The following ATP8A1 variants were observed in gnomAD, a reference collection of about 807,000 sequenced individuals.
The protein encoded by ATP8A1 is ATPase phospholipid transporting 8A1.
Under a neutral mutation model 177.7 loss-of-function variants are expected in ATP8A1, and 90 were observed. The ratio of observed to expected loss-of-function variants is 0.51; its 90% CI spans 0.43 to 0.60. The LOEUF (loss-of-function observed/expected upper bound fraction) is 0.60, where lower values mean the gene tolerates loss of function less well. Among genes scored for constraint, ATP8A1 ranks in the 20% least tolerant of loss-of-function variants. The pLI, the probability that ATP8A1 is intolerant of heterozygous loss-of-function variation, is 0.00. For missense variants in ATP8A1, 1,072 were observed against 1,392.8 expected (o/e 0.77, Z 3.67); for synonymous variants, 493 against 485.9 (o/e 1.01, Z -0.19).
intron 23 of ATP8A1, among the ~76,000 whole-genome samples, chr4:42,505,014 G>A (rs951368691): frequency 6.6e-6 from 1 of 152,190 alleles, no homozygotes; most frequent in Non-Finnish European, 1.5e-5. Context: ...CTTCCTGACT[G>A]TGCTATTTAA....
intron 14 of ATP8A1, 90 bp downstream of exon 14, chr4:42,574,529 A>G: frequency 9.8e-7 from 1 of 1,018,964 alleles, no homozygotes; most frequent in Admixed American, 2.5e-5. Context: ...ACAACCCCAT[A>G]CCCTCCCCTA....
chr4:42,570,369 A>G (rs1731778857), intron 14 of ATP8A1, among the ~76,000 whole-genome samples: 1 of 152,228 alleles, frequency 6.6e-6, no homozygotes, highest in Non-Finnish European at 1.5e-5. Context: ...AGCTCTGTGG[A>G]AACTGGCTGC....
At chr4:42,472,099 AGAG>A (rs1172470976) in intron 25 of ATP8A1, 11 of 704,356 alleles carry the variant, frequency 1.6e-5, no homozygotes, top group African/African-American at 8.7e-5. Context: ...TTTATTGCTC[AGAG>A]GAGAATTCTG....
intron 33 of ATP8A1, among the ~76,000 whole-genome samples, chr4:42,428,466 T>C (rs1714881783): frequency 6.6e-6 from 1 of 152,228 alleles, no homozygotes; most frequent in Non-Finnish European, 1.5e-5. Flanking sequence ...GTGTCCAATA[T>C]TTCACCAGGT....
At chr4:42,536,422 T>A (rs768847285) in intron 20 of ATP8A1, among the ~76,000 whole-genome samples, 3 of 152,032 alleles carry the variant, frequency 2.0e-5, no homozygotes, top group Non-Finnish European at 4.4e-5. Flanking sequence ...ATACAGAATC[T>A]CTGAACAGAT....
At chr4:42,450,813 C>T (rs1429252696) in intron 30 of ATP8A1, among the ~76,000 whole-genome samples, 1 of 152,160 alleles carries the variant, frequency 6.6e-6, no homozygotes, top group East Asian at 1.9e-4. Context: ...TAATTACCTG[C>T]CCATCTGAAG....
intron 5 of ATP8A1, 45 bp from the exon 6 acceptor site, chr4:42,600,563 G>GAAAAGGCC: frequency 6.4e-7 from 1 of 1,560,408 alleles, no homozygotes; most frequent in Non-Finnish European, 8.7e-7. Context: ...GTTTTACTAT[G>GAAAAGGCC]AAAAGGCCAT....
At chr4:42,586,569 C>G in intron 8 of ATP8A1, 93 bp from the exon 9 acceptor site, 1 of 1,191,538 alleles carries the variant, frequency 8.4e-7, no homozygotes, top group Non-Finnish European at 1.2e-6. Context: ...GTCTTAAGAT[C>G]TAAAAGATCC....
intron 25 of ATP8A1, among the ~76,000 whole-genome samples, chr4:42,472,637 G>A (rs984272160): frequency 2.0e-5 from 3 of 151,792 alleles, no homozygotes; most frequent in Non-Finnish European, 4.4e-5. Context: ...CCAGCTACTC[G>A]GGATGCTAAG....
chr4:42,636,418 AGAG>A (rs1739404034), intron 1 of ATP8A1, among the ~76,000 whole-genome samples: 2 of 151,838 alleles, frequency 1.3e-5, no homozygotes, highest in Non-Finnish European at 2.9e-5. Flanking sequence ...AGAGAGAGAG[AGAG>A]AGCTCATGAA....
intron 5 of ATP8A1, among the ~76,000 whole-genome samples, chr4:42,602,595 C>T (rs1279287511): frequency 1.3e-5 from 2 of 152,016 alleles, no homozygotes; most frequent in African/African-American, 2.4e-5. Context: ...GAAACCCTGT[C>T]TCTACTAAAA....
intron 4 of ATP8A1, among the ~76,000 whole-genome samples, chr4:42,619,564 T>C (rs1577714924): frequency 6.6e-6 from 1 of 151,762 alleles, no homozygotes; most frequent in Admixed American, 6.6e-5. Flanking sequence ...AAGTCTTCAG[T>C]ACCTTACCTG....
chr4:42,546,715 T>C (rs1728974422), intron 19 of ATP8A1, among the ~76,000 whole-genome samples: 1 of 152,116 alleles, frequency 6.6e-6, no homozygotes, highest in Non-Finnish European at 1.5e-5. Flanking sequence ...GTCTTTTCCT[T>C]TTTCTTCTCT....
intron 27 of ATP8A1, among the ~76,000 whole-genome samples, chr4:42,461,234 T>C (rs1004806446): frequency 2.9e-5 from 4 of 136,106 alleles, no homozygotes; most frequent in Non-Finnish European, 6.1e-5. Flanking sequence ...TATACTGAGA[T>C]CAATTTTTTC....
At chr4:42,491,929 A>T (rs1469261153) in intron 24 of ATP8A1, among the ~76,000 whole-genome samples, 2 of 152,172 alleles carry the variant, frequency 1.3e-5, no homozygotes, top group East Asian at 3.8e-4. Context: ...ATTTGACTCC[A>T]TGACTCGTTA....
intron 20 of ATP8A1, among the ~76,000 whole-genome samples, chr4:42,541,477 T>G (rs1728380746): frequency 6.6e-6 from 1 of 152,176 alleles, no homozygotes; most frequent in African/African-American, 2.4e-5. Context: ...TCTTACAAAA[T>G]GAAACATACT....
intron 33 of ATP8A1, among the ~76,000 whole-genome samples, chr4:42,435,319 A>G (rs1715791424): frequency 6.6e-6 from 1 of 151,554 alleles, no homozygotes; most frequent in Admixed American, 6.6e-5. Context: ...CCAGCTACTC[A>G]GGAGGCTGAG....
chr4:42,564,991 A>C (rs927494870), intron 15 of ATP8A1, among the ~76,000 whole-genome samples: 6 of 152,128 alleles, frequency 3.9e-5, no homozygotes, highest in African/African-American at 1.4e-4. Context: ...TATGGTTATT[A>C]TAAGGGGGAG....
intron 16 of ATP8A1, among the ~76,000 whole-genome samples, chr4:42,554,537 T>C (rs1486258076): frequency 2.6e-5 from 4 of 152,162 alleles, no homozygotes; most frequent in Non-Finnish European, 5.9e-5. Flanking sequence ...CCTAGCAACA[T>C]ACTGATAGGG....
Sources: gnomAD v4.1 joint callset for allele counts (sites outside exome capture counted in the v4.1 genomes callset) on GRCh38, gnomAD v4.1.1 for gene constraint, MANE v1.5 for transcripts, NCBI Gene and HGNC (gene_info 2026-07-23, HGNC 2026-07-21) for gene names.